TNNI3K: variants seen among roughly 807,000 people sequenced by gnomAD.
TNNI3K encodes the protein TNNI3 interacting kinase, also known as serine/threonine-protein kinase TNNI3K.
TNNI3K carries 140 observed loss-of-function variants against 114.5 expected under a neutral mutation model. The ratio of observed to expected loss-of-function variants is 1.22; its 90% CI spans 1.07 to 1.41. TNNI3K has a LOEUF of 1.41. TNNI3K is among the 40% of genes most tolerant of loss of function. The pLI is 0.00. For synonymous variants in TNNI3K, 347 were observed against 347.5 expected, an observed-to-expected ratio of 1.00 and a Z score of 0.02; for missense variants, 1,125 against 1,007.6, an observed-to-expected ratio of 1.12 and a Z score of -1.58.
chr1:74,240,409 C>G (rs1354280323), intron 2 of TNNI3K: 2 of 152,310 alleles, frequency 1.3e-5, no homozygotes, highest in Non-Finnish European at 2.9e-5. Context: ...GTAAGTGTTG[C>G]AATTGCCATG....
At chr1:74,268,380 T>C (rs1656140584) in intron 4 of TNNI3K, among the ~76,000 whole-genome samples, 1 of 151,894 alleles carries the variant, frequency 6.6e-6, no homozygotes, top group South Asian at 2.1e-4. Context: ...AACTGTTTTC[T>C]CTGGAGGAGG....
chr1:74,391,903 A>G (rs1193391208), intron 17 of TNNI3K, among the ~76,000 whole-genome samples: 1 of 152,022 alleles, frequency 6.6e-6, no homozygotes, highest in East Asian at 1.9e-4. Flanking sequence ...GATAATTTAA[A>G]TAAGATGAGC....
intron 20 of TNNI3K, among the ~76,000 whole-genome samples, chr1:74,449,633 C>G (rs1254197788): frequency 2.0e-5 from 3 of 151,482 alleles, no homozygotes; most frequent in African/African-American, 7.3e-5. Flanking sequence ...GACTTTAAAC[C>G]AACAAAGATC....
chr1:74,339,547 T>C (rs1660649276), intron 7 of TNNI3K, among the ~76,000 whole-genome samples: 1 of 152,124 alleles, frequency 6.6e-6, no homozygotes, highest in African/African-American at 2.4e-5. Context: ...AGAGTACAAT[T>C]TGAAATCCAG....
intron 20 of TNNI3K, among the ~76,000 whole-genome samples, chr1:74,444,481 T>A (rs148227929): frequency 1.3e-5 from 2 of 151,272 alleles, no homozygotes; most frequent in East Asian, 3.9e-4. Context: ...ACAAGAAAAG[T>A]GAAGGACCTC....
intron 17 of TNNI3K, chr1:74,372,642 A>G (rs1185606108): frequency 6.6e-6 from 1 of 151,872 alleles, no homozygotes; most frequent in Non-Finnish European, 1.5e-5. Context: ...GAGTTTTAAG[A>G]GTATTATCTT....
At chr1:74,461,475 G>T (rs1406299769) in intron 20 of TNNI3K, among the ~76,000 whole-genome samples, 1 of 138,036 alleles carries the variant, frequency 7.2e-6, no homozygotes, top group Non-Finnish European at 1.5e-5. Context: ...GTGAGACTCT[G>T]TCTCGAGAAA....
At chr1:74,458,433 A>G (rs1667317397) in intron 20 of TNNI3K, among the ~76,000 whole-genome samples, 2 of 152,092 alleles carry the variant, frequency 1.3e-5, no homozygotes, top group Admixed American at 1.3e-4. Flanking sequence ...ACTTCTTATT[A>G]TGTCACTCTG....
intron 20 of TNNI3K, among the ~76,000 whole-genome samples, chr1:74,451,922 A>T (rs1053032344): frequency 6.6e-6 from 1 of 151,644 alleles, no homozygotes; most frequent in East Asian, 1.9e-4. Flanking sequence ...AACTTCTGAA[A>T]TTGTTTTTGA....
chr1:74,493,584 C>T (rs1669181403), intron 23 of TNNI3K, among the ~76,000 whole-genome samples: 1 of 152,170 alleles, frequency 6.6e-6, no homozygotes, highest in African/African-American at 2.4e-5. Context: ...AATAACCCAT[C>T]CCAGAATTCA....
intron 23 of TNNI3K, among the ~76,000 whole-genome samples, chr1:74,501,730 G>C (rs1459691898): frequency 1.3e-5 from 2 of 151,970 alleles, no homozygotes; most frequent in African/African-American, 4.8e-5. Context: ...CTTGTGATCT[G>C]TCCACCTCGG....
chr1:74,455,815 G>A lies in TNNI3K; in HGVS notation c.2012-7626G>A, dbSNP rs1004086700. Among the ~76,000 whole-genome samples, 5 of 152,180 alleles carry A rather than the reference G, an allele frequency of 3.3e-5. No individual in the cohort carries two copies. The South Asian group carries it at 1.0e-3, about 31-fold the overall frequency. ...GCCCTCAAGGCATTGGATGATGCCT[G>A]CCCACATTGGTGAGGGTGGATCTTT... On this transcript the variant is annotated intron_variant, in intron 20 of 24. Transcript: ENST00000326637.
intron 6 of TNNI3K, 74 bp downstream of exon 6, chr1:74,331,622 C>T: frequency 2.4e-6 from 3 of 1,275,812 alleles, no homozygotes; most frequent in Non-Finnish European, 3.2e-6. Flanking sequence ...GTCCTAGCTT[C>T]AAAGAGTTTA....
At chr1:74,538,075 G>A (rs1646681253) in intron 23 of TNNI3K, among the ~76,000 whole-genome samples, 1 of 152,070 alleles carries the variant, frequency 6.6e-6, no homozygotes, top group Non-Finnish European at 1.5e-5. Context: ...CTTAACCGTA[G>A]CACTATACTG....
chr1:74,539,789 C>T (rs1028658343), intron 23 of TNNI3K, among the ~76,000 whole-genome samples: 1 of 151,476 alleles, frequency 6.6e-6, no homozygotes, highest in Non-Finnish European at 1.5e-5. Flanking sequence ...AAGAATCATG[C>T]AATGAATATT....
At chr1:74,489,999 C>A (rs1668974173) in intron 22 of TNNI3K, among the ~76,000 whole-genome samples, 1 of 137,900 alleles carries the variant, frequency 7.3e-6, no homozygotes, top group Non-Finnish European at 1.5e-5. Context: ...CCTGAGATTG[C>A]ACCACTAAGT....
chr1:74,369,588 A>T lies in TNNI3K; in HGVS notation c.1667+3A>T. 6.3e-7 allele frequency: 1 copy of T among 1,598,226 alleles called. No individual in the cohort carries two copies. The highest frequency in any genetic ancestry group is 8.5e-7 in the Non-Finnish European group (1 of 1,173,382). On this transcript the variant is annotated splice_donor_region_variant and intron_variant, in intron 16 of 24. Coordinates refer to ENST00000326637, the MANE Select transcript of TNNI3K (RefSeq NM_015978.3). ...TCCCTCCTTCATGAGCAGAAGAGGT[A>T]TGGGTCTTTTGTTCTGATTTATCCT... is the stretch of plus-strand genomic sequence containing the variant.
At chr1:74,319,815 G>A (rs900396101) in intron 5 of TNNI3K, among the ~76,000 whole-genome samples, 4 of 152,304 alleles carry the variant, frequency 2.6e-5, no homozygotes, top group Admixed American at 6.5e-5. Context: ...GCTCTACTCT[G>A]TCATAGTACT....
intron 20 of TNNI3K, among the ~76,000 whole-genome samples, chr1:74,457,078 T>C (rs927035145): frequency 6.6e-6 from 1 of 152,254 alleles, no homozygotes; most frequent in Admixed American, 6.5e-5. Context: ...ACACTGATGA[T>C]GTGGACTGTT....
Sources: gnomAD v4.1 joint callset for allele counts (sites outside exome capture counted in the v4.1 genomes callset) on GRCh38, gnomAD v4.1.1 for gene constraint, MANE v1.5 for transcripts, NCBI Gene and HGNC (gene_info 2026-07-23, HGNC 2026-07-21) for gene names.